SLC16A9: variants seen among roughly 807,000 people sequenced by gnomAD.
SLC16A9 encodes the protein monocarboxylate transporter 9.
A neutral mutation model predicts 44.3 loss-of-function variants in SLC16A9; 26 were observed. That is an observed-to-expected ratio of 0.59 (90% CI 0.43 to 0.81). The LOEUF (loss-of-function observed/expected upper bound fraction) is 0.81. Among genes scored for constraint, SLC16A9 ranks in the 40% least tolerant of loss-of-function variants. SLC16A9 has a pLI of 0.00. For missense variants in SLC16A9, 559 were observed against 595.8 expected (o/e 0.94, Z 0.64); for synonymous variants, 230 against 225.1 (o/e 1.02, Z -0.19).
At chr10:59,694,399 T>C (rs1380556556) in intron 1 of SLC16A9, among the ~76,000 whole-genome samples, 3 of 152,126 alleles carry the variant, frequency 2.0e-5, no homozygotes, top group Non-Finnish European at 2.9e-5. Flanking sequence ...AAAATCAAGG[T>C]TTCGATTAAA....
chr10:59,660,947 T>A (rs1839461209), intron 4 of SLC16A9, among the ~76,000 whole-genome samples: 1 of 152,138 alleles, frequency 6.6e-6, no homozygotes, highest in Non-Finnish European at 1.5e-5. Flanking sequence ...TCGATAAAAT[T>A]CAACACCCCT....
chr10:59,685,708 T>G (rs1370951503), intron 1 of SLC16A9, among the ~76,000 whole-genome samples: 2 of 152,232 alleles, frequency 1.3e-5, no homozygotes, highest in Non-Finnish European at 2.9e-5. Flanking sequence ...CATATATCTT[T>G]TTGCTTATAG....
At chr10:59,679,725 T>C (rs1315971201) in intron 2 of SLC16A9, among the ~76,000 whole-genome samples, 1 of 152,156 alleles carries the variant, frequency 6.6e-6, no homozygotes, top group Non-Finnish European at 1.5e-5. Flanking sequence ...AGTTGAAACA[T>C]AAAACTGACC....
intron 1 of SLC16A9, among the ~76,000 whole-genome samples, chr10:59,707,432 G>C (rs370376802): frequency 6.6e-6 from 1 of 151,860 alleles, no homozygotes; most frequent in Non-Finnish European, 1.5e-5. Context: ...AGGTAGGGTT[G>C]GGGTGAAGAG....
At chr10:59,688,672 A>G (rs532061011) in intron 1 of SLC16A9, among the ~76,000 whole-genome samples, 1 of 151,934 alleles carries the variant, frequency 6.6e-6, no homozygotes, top group Admixed American at 6.6e-5. Flanking sequence ...TTTAAAGAAA[A>G]TATTGTCTGA....
At chr10:59,691,824 G>A (rs754142442) in intron 1 of SLC16A9, among the ~76,000 whole-genome samples, 2 of 152,128 alleles carry the variant, frequency 1.3e-5, no homozygotes, top group Admixed American at 1.3e-4. Context: ...TTTCTGCTCT[G>A]GATATAGGCT....
At chr10:59,698,598 T>C (rs1200360268) in intron 1 of SLC16A9, among the ~76,000 whole-genome samples, 2 of 152,202 alleles carry the variant, frequency 1.3e-5, no homozygotes, top group Non-Finnish European at 2.9e-5. Context: ...GCCACCCTTC[T>C]GCTGTGCAGC....
chr10:59,691,801 C>A (rs1840258927), intron 1 of SLC16A9, among the ~76,000 whole-genome samples: 1 of 152,204 alleles, frequency 6.6e-6, no homozygotes, highest in Non-Finnish European at 1.5e-5. Flanking sequence ...CAACTCTTTA[C>A]ATTGGCTGAA....
At chr10:59,662,300 A>C (rs570781725) in intron 4 of SLC16A9, among the ~76,000 whole-genome samples, 9 of 150,628 alleles carry the variant, frequency 6.0e-5, no homozygotes, top group East Asian at 3.9e-4. Context: ...AAAAAAAAAA[A>C]CCCATCAAAA....
At chr10:59,675,928 T>C (rs1037694734) in intron 2 of SLC16A9, among the ~76,000 whole-genome samples, 3 of 152,224 alleles carry the variant, frequency 2.0e-5, no homozygotes, top group African/African-American at 7.2e-5. Flanking sequence ...CTTTCACTCC[T>C]GCTCTAAAAT....
At chr10:59,698,605 C>G (rs928245876) in intron 1 of SLC16A9, among the ~76,000 whole-genome samples, 1 of 152,212 alleles carries the variant, frequency 6.6e-6, no homozygotes, top group African/African-American at 2.4e-5. Context: ...TTCTGCTGTG[C>G]AGCAGCCAAG....
At position 59,652,017 on chromosome 10, in the gene SLC16A9, A is replaced by C. The variant is rs1172247468; in HGVS notation, c.*755T>G. 2 of 152,214 alleles carry C rather than the reference A, an allele frequency of 1.3e-5. No individual in the cohort carries two copies. Among genetic ancestry groups the C allele is most frequent in the Non-Finnish European group, 2.9e-5 (2 of 68,052 alleles). 9.4% of individuals were successfully genotyped at this position (152,214 alleles called of 1,614,324 possible). On this transcript the variant is annotated 3_prime_UTR_variant, in exon 6 of 6. Transcript: ENST00000395348. ...GAAACATCAGCTGAGTGGATGGCCA[A>C]GAAGCAAAAGTGAGCAAGGTTGGAG...
intron 4 of SLC16A9, among the ~76,000 whole-genome samples, chr10:59,658,343 G>A (rs995094053): frequency 1.3e-5 from 1 of 74,908 alleles, no homozygotes; most frequent in Non-Finnish European, 3.8e-5. Context: ...AGACTCTCAT[G>A]GGACTCTGTC....
At chr10:59,661,200 G>A (rs1163026512) in intron 4 of SLC16A9, among the ~76,000 whole-genome samples, 1 of 152,208 alleles carries the variant, frequency 6.6e-6, no homozygotes, top group African/African-American at 2.4e-5. Context: ...AATAGGAAGA[G>A]AGGAAATCAA....
chr10:59,694,104 C>CT (rs560631122), intron 1 of SLC16A9, among the ~76,000 whole-genome samples: 92 of 151,410 alleles, frequency 6.1e-4, no homozygotes, highest in Admixed American at 1.3e-3. Context: ...CGCCCGGTAA[C>CT]TTTTTTTTGT....
chr10:59,666,944 A>T (rs969892123), intron 3 of SLC16A9, among the ~76,000 whole-genome samples: 1 of 151,954 alleles, frequency 6.6e-6, no homozygotes, highest in African/African-American at 2.4e-5. Context: ...CAGCTTCCCA[A>T]TTCATAAAGA....
intron 1 of SLC16A9, among the ~76,000 whole-genome samples, chr10:59,706,052 C>T (rs1564716303): frequency 6.6e-6 from 1 of 152,182 alleles, no homozygotes; most frequent in African/African-American, 2.4e-5. Flanking sequence ...TCTTTTCCAT[C>T]AAGGAAATCC....
rs912137940 is a variant in SLC16A9 at position 59,709,677 on chromosome 10, C to A, written c.-235G>T. ...GGCAATCGGTCCCGCTACGCGCTGC[C>A]CCGGGAGCCGCCGCCCTCTGCCCCC... On this transcript the variant is annotated 5_prime_UTR_variant, in exon 1 of 6. Coordinates refer to ENST00000395348, the MANE Select transcript of SLC16A9 (RefSeq NM_194298.3). The A allele has an allele frequency of 2.6e-5, 4 of 152,266 alleles. No individual in the cohort carries two copies. 9.4% of individuals were successfully genotyped at this position (152,266 alleles called of 1,614,324 possible).
chr10:59,656,828 A>G (rs1197396915), intron 4 of SLC16A9, among the ~76,000 whole-genome samples: 2 of 152,234 alleles, frequency 1.3e-5, no homozygotes, highest in African/African-American at 4.8e-5. Context: ...AGAGCATCCT[A>G]ATTTTAAAAT....
Sources: gnomAD v4.1 joint callset for allele counts (sites outside exome capture counted in the v4.1 genomes callset) on GRCh38, gnomAD v4.1.1 for gene constraint, MANE v1.5 for transcripts, NCBI Gene and HGNC (gene_info 2026-07-23, HGNC 2026-07-21) for gene names.